Variants in PTPRN2 observed in about 807,000 individuals in gnomAD.
PTPRN2 encodes protein tyrosine phosphatase receptor type N2, also known as receptor-type tyrosine-protein phosphatase N2.
In PTPRN2, 74 loss-of-function variants were observed where a neutral mutation model predicts 118.8. That is an observed-to-expected ratio of 0.62 (90% CI 0.52 to 0.76). PTPRN2 has a LOEUF of 0.76. PTPRN2 is among the 30% of genes least tolerant of loss of function. The pLI, the probability that PTPRN2 is intolerant of heterozygous loss-of-function variation, is 0.00. For missense variants in PTPRN2, 1,481 were observed against 1,394.4 expected (o/e 1.06, Z -0.99); for synonymous variants, 641 against 608.0 (o/e 1.05, Z -0.80).
intron 6 of PTPRN2, among the ~76,000 whole-genome samples, chr7:158,149,940 C>T (rs912405100): frequency 6.6e-6 from 1 of 151,714 alleles, no homozygotes; most frequent in Non-Finnish European, 1.5e-5. Context: ...ATAAATAAAA[C>T]ATATGAAAAA....
rs571948116 is a variant in PTPRN2 at position 157,729,143 on chromosome 7, GT to G, written c.1789-46207del. ...TAATTGCTTTGATATACCCATCTCT[GT>G]TTTTTTTTTTGGACAGAATTCCTAT... On this transcript the variant is annotated intron_variant, in intron 12 of 22. Transcript: ENST00000389418. This position sits in a 1 kb window ranked among gnomAD's most constrained non-coding sequence, Gnocchi z 4.3. 4.7e-4 allele frequency among the ~76,000 whole-genome samples: 69 copies of G among 146,312 alleles called. 2 individuals are homozygous for G. The highest frequency in any genetic ancestry group is 3.7e-3 in the South Asian group (17 of 4,624).
At chr7:157,667,819 G>A (rs1796218776) in intron 13 of PTPRN2, among the ~76,000 whole-genome samples, 1 of 152,262 alleles carries the variant, frequency 6.6e-6, no homozygotes, top group East Asian at 1.9e-4. Context: ...CTCTCCATCA[G>A]GGAAATGTGA....
At chr7:158,384,668 C>T (rs558407504) in intron 2 of PTPRN2, among the ~76,000 whole-genome samples, 1 of 152,202 alleles carries the variant, frequency 6.6e-6, no homozygotes, top group African/African-American at 2.4e-5. Context: ...ATGAACCTTC[C>T]CTTCATCAAA....
intron 12 of PTPRN2, among the ~76,000 whole-genome samples, chr7:157,760,556 C>T (rs956141527): frequency 6.6e-6 from 1 of 152,042 alleles, no homozygotes; most frequent in African/African-American, 2.4e-5. Flanking sequence ...CCATCCTCCC[C>T]ACCTCCCACA....
chr7:158,268,231 T>TGAGA (rs1798013281), intron 3 of PTPRN2, among the ~76,000 whole-genome samples: 1 of 150,396 alleles, frequency 6.6e-6, no homozygotes, highest in Admixed American at 6.6e-5. Flanking sequence ...GAGCGGGGTG[T>TGAGA]GAGATATCCC....
chr7:157,757,032 G>A (rs1801822937), intron 12 of PTPRN2, among the ~76,000 whole-genome samples: 1 of 152,196 alleles, frequency 6.6e-6, no homozygotes, highest in East Asian at 1.9e-4. Context: ...GTGTGGGGTG[G>A]ACCCCTGCCA....
chr7:158,041,027 G>A (rs1333296671), intron 11 of PTPRN2, among the ~76,000 whole-genome samples: 2 of 152,128 alleles, frequency 1.3e-5, no homozygotes, highest in Non-Finnish European at 2.9e-5. Flanking sequence ...CGCCACGCCC[G>A]GTCCACCTGC....
In PTPRN2 at chr7:158,390,878, G is replaced by A. The variant is rs144510581; in HGVS notation, c.164-73946C>T. ...GCTACGAAAAATGGAGGGGCAGGAAGGGCAGATGAAAACCCATCCCCCACG... is the reference window on the plus strand; with the variant it reads ...GCTACGAAAAATGGAGGGGCAGGAAAGGCAGATGAAAACCCATCCCCCACG... On this transcript the variant is annotated intron_variant, in intron 2 of 22. Coordinates refer to ENST00000389418, the MANE Select transcript of PTPRN2 (RefSeq NM_002847.5). Among the ~76,000 whole-genome samples the A allele has an allele frequency of 2.6e-5, 4 of 152,296 alleles. No individual in the cohort carries two copies. In the East Asian group the frequency reaches 7.7e-4, roughly 29 times the overall value.
chr7:158,164,547 G>A lies in PTPRN2; in HGVS notation c.910+2384C>T, dbSNP rs62480769. 3.9e-3 allele frequency among the ~76,000 whole-genome samples: 14 copies of A among 3,598 alleles called. 2 individuals are homozygous for A. Among genetic ancestry groups the A allele is most frequent in the African/African-American group, 0.016 (5 of 314 alleles). The allele number at this position is 3,598 out of a possible 152,430, so 2.4% of individuals were successfully genotyped here. On this transcript the variant is annotated intron_variant, in intron 6 of 22. Transcript: ENST00000389418. ...GCGGGAGCGCGCACGTAGGGAAGGC[G>A]CGCACGTAGGGAAGGCACGCAGAGC... is the stretch of plus-strand genomic sequence containing the variant.
In PTPRN2 at chr7:157,953,918, C is replaced by T. The variant is rs1250527611; in HGVS notation, c.1724-55181G>A. ...CTCCTTTCCCTCACCATGGAATGCA[C>T]AAACGCTTGAAGATGCATGTGTGTT... On this transcript the variant is annotated intron_variant, in intron 11 of 22. Transcript: ENST00000389418. The surrounding 1 kb of genome is among the most constrained non-coding windows in gnomAD (Gnocchi z 4.6). Among the ~76,000 whole-genome samples the T allele has an allele frequency of 2.0e-5, 3 of 152,204 alleles. No homozygotes were observed. The highest frequency in any genetic ancestry group is 4.4e-5 in the Non-Finnish European group (3 of 68,040).
In PTPRN2 at chr7:157,737,359, C is replaced by T. The variant is rs535105870; in HGVS notation, c.1789-54422G>A. 1.8e-4 allele frequency among the ~76,000 whole-genome samples: 27 copies of T among 152,356 alleles called. No homozygotes were observed. In the East Asian group the frequency reaches 4.3e-3, roughly 24 times the overall value. ...AGGCTCTGTTCGCTGAGCCTCAGCACGACCTCAACCTGATCTGGGAGTCTG... is the reference window on the plus strand; with the variant it reads ...AGGCTCTGTTCGCTGAGCCTCAGCATGACCTCAACCTGATCTGGGAGTCTG... On this transcript the variant is annotated intron_variant, in intron 12 of 22. Transcript: ENST00000389418.
At chr7:157,728,324 G>A (rs1476395347) in intron 12 of PTPRN2, among the ~76,000 whole-genome samples, 4 of 152,226 alleles carry the variant, frequency 2.6e-5, no homozygotes, top group East Asian at 1.9e-4. Context: ...AAGCCTCTCC[G>A]TCTAGGGGAA....
chr7:158,237,873 CGAA>C (rs1382702394), intron 3 of PTPRN2, among the ~76,000 whole-genome samples: 1 of 152,114 alleles, frequency 6.6e-6, no homozygotes, highest in Non-Finnish European at 1.5e-5. Flanking sequence ...TGGGAGTGCA[CGAA>C]GGACACCCTT....
chr7:158,111,011 C>G, intron 9 of PTPRN2, 96 bp from the exon 10 acceptor site: 1 of 1,023,290 alleles, frequency 9.8e-7, no homozygotes, highest in Non-Finnish European at 1.4e-6. Flanking sequence ...TCCCTGGTCC[C>G]CACACACACC....
At chr7:158,307,513 T>C (rs1801388317) in intron 3 of PTPRN2, among the ~76,000 whole-genome samples, 1 of 152,090 alleles carries the variant, frequency 6.6e-6, no homozygotes, top group African/African-American at 2.4e-5. Flanking sequence ...GTAGAAAGAA[T>C]ATTTGAAGAA....
intron 9 of PTPRN2, among the ~76,000 whole-genome samples, chr7:158,126,100 CA>C (rs1817646645): frequency 8.4e-6 from 1 of 118,572 alleles, no homozygotes; most frequent in African/African-American, 3.6e-5. Flanking sequence ...CACCAGCCCC[CA>C]GGACAGCGGG....
chr7:157,969,109 T>A (rs925976634), intron 11 of PTPRN2, among the ~76,000 whole-genome samples: 1 of 145,850 alleles, frequency 6.9e-6, no homozygotes, highest in African/African-American at 2.5e-5. Context: ...GCAATATCCA[T>A]GGCATCAATG....
At chr7:158,007,807 ATG>A (rs1361361988) in intron 11 of PTPRN2, among the ~76,000 whole-genome samples, 2 of 104,720 alleles carry the variant, frequency 1.9e-5, no homozygotes, top group Non-Finnish European at 3.9e-5. Flanking sequence ...GGTGTGCTGT[ATG>A]TGTGTGGGTA....
chr7:158,173,592 G>A (rs1277708599), intron 5 of PTPRN2, among the ~76,000 whole-genome samples: 1 of 152,304 alleles, frequency 6.6e-6, no homozygotes, highest in Non-Finnish European at 1.5e-5. Context: ...AACAGGGTTC[G>A]AGAGCAGACA....
Sources: gnomAD v4.1 joint callset for allele counts (sites outside exome capture counted in the v4.1 genomes callset) on GRCh38, gnomAD v4.1.1 for gene constraint, Gnocchi (gnomAD v3.1) non-coding constraint, MANE v1.5 for transcripts, NCBI Gene and HGNC (gene_info 2026-07-23, HGNC 2026-07-21) for gene names.